The following ZNF398 variants were observed in gnomAD, a reference collection of about 807,000 sequenced individuals.
ZNF398 encodes the protein zinc finger protein 398.
Under a neutral mutation model 41.9 loss-of-function variants are expected in ZNF398, and 18 were observed. That is an observed-to-expected ratio of 0.43 (90% CI 0.30 to 0.64). The LOEUF (loss-of-function observed/expected upper bound fraction) is 0.64, where lower values mean the gene tolerates loss of function less well. ZNF398 is among the 30% of genes least tolerant of loss of function. The probability of loss-of-function intolerance (pLI) is 0.14; values close to 1 mark genes in which losing one functional copy is unlikely to be tolerated. For missense variants in ZNF398, 669 were observed against 822.8 expected (o/e 0.81, Z 2.29); for synonymous variants, 260 against 308.8 (o/e 0.84, Z 1.66).
chr7:149,154,226 G>C lies in ZNF398; in HGVS notation c.306G>C (p.Leu102=). ...LEGKWAVLGT[L]LQEYGLLQRR... ...GCAAGTGGGCCGTGCTGGGAACCCT[G>C]CTGCAGGAGTACGGGCTGCTGCAGA... The change falls in exon 2 of 6, where the codon CTG becomes CTC. Residue 102 remains leucine, a synonymous_variant. Coordinates refer to ENST00000475153, the MANE Select transcript of ZNF398 (RefSeq NM_170686.3). 3 of 1,614,184 alleles carry C rather than the reference G, an allele frequency of 1.9e-6. No individual in the cohort carries two copies. Among genetic ancestry groups the C allele is most frequent in the Non-Finnish European group, 2.5e-6 (3 of 1,180,040 alleles).
chr7:149,135,389 C>CAAAAA (rs777888671), intron 2 of ZNF398, among the ~76,000 whole-genome samples: 69 of 61,166 alleles, frequency 1.1e-3, no homozygotes, highest in South Asian at 1.5e-3. Flanking sequence ...GACTCTGTCT[C>CAAAAA]AAAAAAAAAA....
chr7:149,142,066 G>C (rs1050703938), intron 2 of ZNF398, among the ~76,000 whole-genome samples: 1 of 152,000 alleles, frequency 6.6e-6, no homozygotes, highest in Non-Finnish European at 1.5e-5. Flanking sequence ...CTCCCACCTC[G>C]ACCTCCCAAA....
intron 4 of ZNF398, among the ~76,000 whole-genome samples, chr7:149,167,625 TTTTC>T (rs1251022615): frequency 6.6e-6 from 1 of 150,734 alleles, no homozygotes; most frequent in Non-Finnish European, 1.5e-5. Context: ...ATTTTTTTCT[TTTTC>T]TTTTCTTTTT....
intron 1 of ZNF398, among the ~76,000 whole-genome samples, chr7:149,153,149 G>A (rs925620108): frequency 2.6e-5 from 4 of 152,002 alleles, no homozygotes; most frequent in Non-Finnish European, 5.9e-5. Flanking sequence ...ATGAGCCACC[G>A]CACCGGCAAG....
In ZNF398 at chr7:149,164,401, C is replaced by T. The variant is rs555661409; in HGVS notation, c.421-1757C>T. 2.6e-5 allele frequency among the ~76,000 whole-genome samples: 4 copies of T among 151,130 alleles called. No homozygotes were observed. The South Asian group carries it at 6.3e-4, about 24-fold the overall frequency. ...CAGCCTGGGTGACAGAGCAAGACTCCGTCTCAAAAAAATAAAAATAAAAAT... is the reference window on the plus strand; with the variant it reads ...CAGCCTGGGTGACAGAGCAAGACTCTGTCTCAAAAAAATAAAAATAAAAAT... On this transcript the variant is annotated intron_variant, in intron 2 of 5. Transcript: ENST00000475153.
intron 2 of ZNF398, among the ~76,000 whole-genome samples, chr7:149,157,914 G>C (rs936032419): frequency 2.0e-5 from 3 of 150,882 alleles, no homozygotes; most frequent in African/African-American, 7.3e-5. Flanking sequence ...AAGAAGGAAA[G>C]GCTGGGCCAG....
At chr7:149,144,587 A>AT (rs566119090), upstream of ZNF398, among the ~76,000 whole-genome samples, 1,962 of 138,080 alleles carry the variant, frequency 0.014, 36 homozygotes, top group African/African-American at 0.049. Context: ...CGGCTACTAC[A>AT]TTTTTTTTTT....
At chr7:149,167,424 C>CT (rs1454347105) in intron 4 of ZNF398, among the ~76,000 whole-genome samples, 2 of 152,072 alleles carry the variant, frequency 1.3e-5, no homozygotes, top group Non-Finnish European at 2.9e-5. Flanking sequence ...TTGGCAGCTG[C>CT]TTAACATTGT....
chr7:149,154,988 TAAA>T (rs35980793), intron 2 of ZNF398, among the ~76,000 whole-genome samples: 27 of 132,030 alleles, frequency 2.0e-4, no homozygotes, highest in Non-Finnish European at 2.2e-4. Context: ...AAACTCCTTC[TAAA>T]AAAAAAAAAA....
At chr7:149,146,720 C>CA (rs1826951554), upstream of ZNF398, among the ~76,000 whole-genome samples, 1 of 151,882 alleles carries the variant, frequency 6.6e-6, no homozygotes, top group South Asian at 2.1e-4. Context: ...CATGGTGGTA[C>CA]ATGCCTGTAA....
rs982571736 is a variant in ZNF398 at position 149,148,403 on chromosome 7, G to A, written c.24+637G>A. The A allele has an allele frequency of 3.0e-6, 3 of 985,006 alleles. No individual in the cohort carries two copies. The African/African-American group carries it at 5.2e-5, about 17-fold the overall frequency. The allele number at this position is 985,006 out of a possible 1,614,324, so 61.0% of individuals were successfully genotyped here. On this transcript the variant is annotated intron_variant, in intron 1 of 5. Transcript: ENST00000475153. ...AGGGCGACCGAGGCGACCGGGCCGCGCCTGCACGCAGCCCCGTAGAATGAG... is the reference window on the plus strand; with the variant it reads ...AGGGCGACCGAGGCGACCGGGCCGCACCTGCACGCAGCCCCGTAGAATGAG...
In ZNF398 at chr7:149,147,883, G is replaced by C; in HGVS notation, c.24+117G>C. 8.4e-7 allele frequency: 1 copy of C among 1,183,674 alleles called. No individual in the cohort carries two copies. The highest frequency in any genetic ancestry group is 1.1e-6 in the Non-Finnish European group (1 of 928,016). 73.3% of individuals were successfully genotyped at this position (1,183,674 alleles called of 1,614,324 possible). The stretch of plus-strand genomic sequence containing the variant: ...GCCGTTCTCGGGTCCCGCCGGCCAC[G>C]TCGCCTGTCGCCCGTGCTTGGCGGC... On this transcript the variant is annotated intron_variant, in intron 1 of 5. Coordinates refer to ENST00000475153, the MANE Select transcript of ZNF398 (RefSeq NM_170686.3). The surrounding 1 kb of genome is among the most constrained non-coding windows in gnomAD (Gnocchi z 5.6).
intron 5 of ZNF398, 53 bp from the exon 6 acceptor site, chr7:149,178,595 G>A (rs1795519302): frequency 6.8e-7 from 1 of 1,476,432 alleles, no homozygotes; most frequent in East Asian, 2.3e-5. Context: ...ATGCATGAGA[G>A]TTGCTAGTGA....
rs1307231219 is a variant in ZNF398, at chr7:149,147,800, C to T, written c.24+34C>T. 2 of 1,373,782 alleles carry T rather than the reference C, an allele frequency of 1.5e-6. No individual in the cohort carries two copies. The highest frequency in any genetic ancestry group is 5.9e-5 in the East Asian group (2 of 33,708). The allele number at this position is 1,373,782 out of a possible 1,614,324, so 85.1% of individuals were successfully genotyped here. A position where few individuals can be genotyped will look rare whatever the true frequency, so the allele number is the denominator to read the frequency against. ...GGCCGCGCGCGAGTGTTGTGAGCCC[C>T]CGAGACCCAGACCCCGAGGGAGGAA... On this transcript the variant is annotated intron_variant, in intron 1 of 5. Coordinates refer to ENST00000475153, the MANE Select transcript of ZNF398 (RefSeq NM_170686.3). The surrounding 1 kb of genome is among the most constrained non-coding windows in gnomAD (Gnocchi z 5.6).
At chr7:149,144,500 G>C (rs1826891775), upstream of ZNF398, among the ~76,000 whole-genome samples, 1 of 152,000 alleles carries the variant, frequency 6.6e-6, no homozygotes, top group South Asian at 2.1e-4. Flanking sequence ...ATGGAGACAG[G>C]GTCCCACCAG....
intron 2 of ZNF398, among the ~76,000 whole-genome samples, chr7:149,141,039 C>CAA (rs60228279): frequency 2.2e-4 from 27 of 120,124 alleles, no homozygotes; most frequent in African/African-American, 7.0e-4. Flanking sequence ...CAGCCTGTCT[C>CAA]AAAAAAAAAA....
At position 149,154,034 on chromosome 7, in the gene ZNF398, A is replaced by G; in HGVS notation, c.114A>G (p.Thr38=). The change falls in exon 2 of 6, where the codon ACA becomes ACG. Residue 38 remains threonine, a synonymous_variant. Transcript: ENST00000475153. ...PPAANEAHLQ[T]AAISLWTVVA... ...CAGCAAATGAGGCACACCTGCAGACAGCAGCTATCTCTCTGTGGACAGTGG... is the reference window on the plus strand; with the variant it reads ...CAGCAAATGAGGCACACCTGCAGACGGCAGCTATCTCTCTGTGGACAGTGG... 6.2e-7 allele frequency: 1 copy of G among 1,614,178 alleles called. No homozygotes were observed. The highest frequency in any genetic ancestry group is 1.3e-5 in the African/African-American group (1 of 75,042).
At chr7:149,155,733 T>TATTA (rs1563159633) in intron 2 of ZNF398, among the ~76,000 whole-genome samples, 5 of 89,820 alleles carry the variant, frequency 5.6e-5, no homozygotes, top group African/African-American at 1.8e-4. Flanking sequence ...TTTTTTTAAT[T>TATTA]TTTTTTTTTT....
Position 149,181,377 on chromosome 7 carries a change from C to T in ZNF398, c.*1576C>T, listed in dbSNP as rs60336128. The T allele has an allele frequency of 1.7e-3, 265 of 152,326 alleles. 1 individual carries two copies. Among genetic ancestry groups the T allele is most frequent in the African/African-American group, 5.9e-3 (245 of 41,578 alleles). The allele number at this position is 152,326 out of a possible 1,614,324, so 9.4% of individuals were successfully genotyped here. ...TAGAAGACAGAATGCAGAAGTCTTACATCTTGGGCAGGAAACTGGTTTATT... is the reference window on the plus strand; with the variant it reads ...TAGAAGACAGAATGCAGAAGTCTTATATCTTGGGCAGGAAACTGGTTTATT... On this transcript the variant is annotated 3_prime_UTR_variant, in exon 6 of 6. Transcript: ENST00000475153.
Sources: allele counts gnomAD v4.1 joint callset (sites outside exome capture counted in the v4.1 genomes callset), GRCh38; gene constraint gnomAD v4.1.1; non-coding constraint Gnocchi (gnomAD v3.1); transcripts MANE v1.5; gene names NCBI Gene and HGNC (gene_info 2026-07-23, HGNC 2026-07-21).